The following SGCZ variants were observed in gnomAD, a reference collection of about 807,000 sequenced individuals.
SGCZ encodes the protein sarcoglycan zeta, also known as zeta-sarcoglycan.
In SGCZ, 40 loss-of-function variants were observed where a neutral mutation model predicts 41.3. The ratio of observed to expected loss-of-function variants is 0.97; its 90% CI spans 0.75 to 1.26. The LOEUF (loss-of-function observed/expected upper bound fraction) is 1.26. SGCZ is among the 50% of genes most tolerant of loss of function. The probability of loss-of-function intolerance (pLI) is 0.00; values close to 1 mark genes in which losing one functional copy is unlikely to be tolerated. For synonymous variants in SGCZ, 206 were observed against 137.5 expected, an observed-to-expected ratio of 1.50 and a Z score of -3.49; for missense variants, 552 against 369.8, an observed-to-expected ratio of 1.49 and a Z score of -4.04.
intron 1 of SGCZ, among the ~76,000 whole-genome samples, chr8:14,751,237 G>A (rs1255139953): frequency 2.6e-5 from 4 of 152,194 alleles, no homozygotes; most frequent in Non-Finnish European, 4.4e-5. Context: ...TCTCTGACCA[G>A]TTTAATGAAT....
At chr8:14,424,912 T>A (rs1799735923) in intron 2 of SGCZ, among the ~76,000 whole-genome samples, 1 of 152,192 alleles carries the variant, frequency 6.6e-6, no homozygotes, top group Non-Finnish European at 1.5e-5. Context: ...GTATTATCAG[T>A]TTAGCCTCTC....
chr8:14,453,916 C>G (rs1479730241), intron 2 of SGCZ, among the ~76,000 whole-genome samples: 2 of 151,928 alleles, frequency 1.3e-5, no homozygotes, highest in South Asian at 2.1e-4. Context: ...TTCTGAGTGT[C>G]AAAATGATTT....
chr8:14,673,917 T>C (rs1808189489), intron 1 of SGCZ, among the ~76,000 whole-genome samples: 1 of 152,156 alleles, frequency 6.6e-6, no homozygotes, highest in Admixed American at 6.5e-5. Flanking sequence ...TTATTTTAGT[T>C]TCATTGATAA....
At chr8:14,988,362 T>G (rs1197499942) in intron 1 of SGCZ, among the ~76,000 whole-genome samples, 1 of 152,024 alleles carries the variant, frequency 6.6e-6, no homozygotes, top group South Asian at 2.1e-4. Context: ...TAAGATATAC[T>G]ATACTTTTTA....
chr8:14,258,258 G>C (rs929390071), intron 3 of SGCZ, among the ~76,000 whole-genome samples: 4 of 152,136 alleles, frequency 2.6e-5, no homozygotes, highest in African/African-American at 9.7e-5. Context: ...GTCTGTCCTT[G>C]TGAGTTTCTC....
At chr8:14,331,776 T>C (rs781054547) in intron 2 of SGCZ, among the ~76,000 whole-genome samples, 5 of 151,832 alleles carry the variant, frequency 3.3e-5, no homozygotes, top group Non-Finnish European at 7.4e-5. Context: ...GTATTAAATA[T>C]AATATTAAAT....
At chr8:14,964,055 G>GC (rs1335047482) in intron 1 of SGCZ, among the ~76,000 whole-genome samples, 4 of 152,082 alleles carry the variant, frequency 2.6e-5, no homozygotes, top group Non-Finnish European at 5.9e-5. Context: ...AAAATAAATT[G>GC]ATCTTATAAG....
intron 1 of SGCZ, among the ~76,000 whole-genome samples, chr8:14,891,607 T>C (rs1382938511): frequency 1.3e-5 from 2 of 152,220 alleles, no homozygotes; most frequent in Non-Finnish European, 2.9e-5. Flanking sequence ...GGATTCAGAA[T>C]ATTCCACAAA....
intron 1 of SGCZ, among the ~76,000 whole-genome samples, chr8:14,657,819 AG>A (rs1807624866): frequency 2.0e-5 from 3 of 152,178 alleles, no homozygotes; most frequent in Admixed American, 2.0e-4. Flanking sequence ...TGAAAACCTA[AG>A]TCAAAATTAC....
At chr8:14,963,528 A>G (rs1331527656) in intron 1 of SGCZ, among the ~76,000 whole-genome samples, 2 of 151,948 alleles carry the variant, frequency 1.3e-5, no homozygotes, top group African/African-American at 4.8e-5. Context: ...TTGTATTTTT[A>G]GTACGGACAG....
At chr8:14,673,688 A>C (rs569025371) in intron 1 of SGCZ, among the ~76,000 whole-genome samples, 2 of 152,196 alleles carry the variant, frequency 1.3e-5, no homozygotes, top group African/African-American at 4.8e-5. Flanking sequence ...AGATTTATAA[A>C]TGCTTAATAT....
At chr8:14,559,616 T>C (rs1430005427) in intron 1 of SGCZ, among the ~76,000 whole-genome samples, 1 of 152,084 alleles carries the variant, frequency 6.6e-6, no homozygotes, top group East Asian at 1.9e-4. Flanking sequence ...TGGTTTTCCA[T>C]CTTTTTGTTT....
At chr8:14,278,824 T>C (rs1191868353) in intron 3 of SGCZ, among the ~76,000 whole-genome samples, 1 of 152,122 alleles carries the variant, frequency 6.6e-6, no homozygotes, top group African/African-American at 2.4e-5. Flanking sequence ...TTGGACTTTG[T>C]GTTTGTGATA....
intron 1 of SGCZ, among the ~76,000 whole-genome samples, chr8:15,106,313 G>A (rs1185063688): frequency 6.6e-6 from 1 of 151,918 alleles, no homozygotes; most frequent in East Asian, 1.9e-4. Flanking sequence ...GACAAGTTTT[G>A]AGAACATTTA....
At chr8:15,204,647 A>G (rs114340042) in intron 1 of SGCZ, among the ~76,000 whole-genome samples, 8,286 of 152,196 alleles carry the variant, frequency 0.054, 256 homozygotes, top group South Asian at 0.074. Context: ...ACACCATACG[A>G]TAGAAAGACT....
chr8:15,156,485 G>A (rs945821918), intron 1 of SGCZ, among the ~76,000 whole-genome samples: 3 of 152,156 alleles, frequency 2.0e-5, no homozygotes, highest in African/African-American at 4.8e-5. Flanking sequence ...GAACATACCT[G>A]AAAAGCTGCA....
At chr8:15,038,814 CAAAAAAAA>C (rs58922339) in intron 1 of SGCZ, among the ~76,000 whole-genome samples, 15 of 93,076 alleles carry the variant, frequency 1.6e-4, no homozygotes, top group African/African-American at 2.4e-4. Context: ...TGACATTTCT[CAAAAAAAA>C]AAAAAAAAAA....
In SGCZ at chr8:14,551,551, A is replaced by G. The variant is rs187585870; in HGVS notation, c.234+3181T>C. ...TATATATAATATATATAATATATAT[A>G]ATATATATTATATATATAATATATA... On this transcript the variant is annotated intron_variant, in intron 2 of 7. Coordinates refer to ENST00000382080, the MANE Select transcript of SGCZ (RefSeq NM_139167.4). Among the ~76,000 whole-genome samples the G allele has an allele frequency of 1.3e-3, 34 of 25,954 alleles. 11 individuals are homozygous for G. The highest frequency in any genetic ancestry group is 5.4e-3 in the African/African-American group (31 of 5,776). The allele number at this position is 25,954 out of a possible 152,430, so 17.0% of individuals were successfully genotyped here.
chr8:14,791,123 A>G (rs1800938250), intron 1 of SGCZ, among the ~76,000 whole-genome samples: 1 of 152,094 alleles, frequency 6.6e-6, no homozygotes, highest in African/African-American at 2.4e-5. Context: ...TGAGTGATAG[A>G]GGTTTTTTAT....
Sources: gnomAD v4.1 joint callset for allele counts (sites outside exome capture counted in the v4.1 genomes callset) on GRCh38, gnomAD v4.1.1 for gene constraint, MANE v1.5 for transcripts, NCBI Gene and HGNC (gene_info 2026-07-23, HGNC 2026-07-21) for gene names.